The following PDXDC1 variants were observed in gnomAD, a reference collection of about 807,000 sequenced individuals.
The protein encoded by PDXDC1 is pyridoxal-dependent decarboxylase domain-containing protein 1.
In PDXDC1, 42 loss-of-function variants were observed where a neutral mutation model predicts 100.1. The observed-to-expected ratio is 0.42, with a 90% CI of 0.33 to 0.54. The LOEUF (loss-of-function observed/expected upper bound fraction) is 0.54. PDXDC1 is among the 20% of genes least tolerant of loss of function. PDXDC1 has a pLI of 0.10. For missense variants in PDXDC1, 636 were observed against 979.2 expected, an observed-to-expected ratio of 0.65 and a Z score of 4.68; for synonymous variants, 260 against 371.7, an observed-to-expected ratio of 0.70 and a Z score of 3.46.
chr16:15,065,104 T>G (rs1311363941), intron 16 of PDXDC1: 42 of 1,050,770 alleles, frequency 4.0e-5, no homozygotes, highest in Non-Finnish European at 5.5e-5. Flanking sequence ...AGGCGGAGCT[T>G]GCGGTAAGCC....
chr16:15,019,966 G>A (rs1226104712), intron 12 of PDXDC1, among the ~76,000 whole-genome samples: 1 of 152,196 alleles, frequency 6.6e-6, no homozygotes, highest in African/African-American at 2.4e-5. Flanking sequence ...CAAAAAATTA[G>A]CTGGGCGTGG....
At chr16:15,110,010 T>C (rs368025898) in intron 16 of PDXDC1, among the ~76,000 whole-genome samples, 1 of 147,230 alleles carries the variant, frequency 6.8e-6, no homozygotes, top group African/African-American at 2.4e-5. Context: ...AAAAATTAGC[T>C]GGGCGTGGTG....
At chr16:15,032,053 T>A in intron 17 of PDXDC1, 147 bp downstream of exon 17, 2 of 728,588 alleles carry the variant, frequency 2.7e-6, no homozygotes, top group Non-Finnish European at 4.5e-6. Context: ...TCTGGGCATT[T>A]ACAAAAGCAC....
chr16:15,104,670 C>G (rs778514270), intron 16 of PDXDC1: 2 of 1,597,566 alleles, frequency 1.3e-6, no homozygotes, highest in Non-Finnish European at 1.7e-6. Context: ...TGGCTGGTGG[C>G]CCATCCTGTT....
intron 16 of PDXDC1, chr16:15,045,732 T>C (rs1481130006): frequency 6.6e-6 from 1 of 152,276 alleles, no homozygotes; most frequent in Non-Finnish European, 1.5e-5. Context: ...TCCAACTAAC[T>C]TTCTTGAACC....
intron 1 of PDXDC1, among the ~76,000 whole-genome samples, chr16:14,979,203 G>T (rs1256524770): frequency 2.6e-5 from 4 of 152,288 alleles, no homozygotes; most frequent in Non-Finnish European, 4.4e-5. Flanking sequence ...GCAGCCACAT[G>T]TGGCTGATGT....
the PDXDC1 span, among the ~76,000 whole-genome samples, chr16:15,146,583 C>T: frequency 6.6e-6 from 1 of 152,130 alleles, no homozygotes; most frequent in Non-Finnish European, 1.5e-5. Flanking sequence ...TACAGCCACG[C>T]GGCCCTGCGC....
chr16:15,144,607 G>A, the PDXDC1 span, among the ~76,000 whole-genome samples: 19 of 152,186 alleles, frequency 1.2e-4, no homozygotes, highest in Admixed American at 1.2e-3. Flanking sequence ...GGGAGCCCCA[G>A]GCTCAGCGGC....
chr16:15,048,037 A>G, intron 16 of PDXDC1: 1 of 1,613,768 alleles, frequency 6.2e-7, no homozygotes, highest in Non-Finnish European at 8.5e-7. Flanking sequence ...TTTGCTGAAC[A>G]TACAGAAGGC....
chr16:15,137,290 C>A (rs956293233), intron 16 of PDXDC1: 1 of 926,994 alleles, frequency 1.1e-6, no homozygotes. Context: ...GGGTGGGGCC[C>A]CTACAGGTGG....
chr16:14,987,888 A>G (rs1969755207), intron 1 of PDXDC1, among the ~76,000 whole-genome samples: 1 of 152,106 alleles, frequency 6.6e-6, no homozygotes, highest in Admixed American at 6.6e-5. Flanking sequence ...CTGGGATTAC[A>G]GGTGTGAGCC....
At chr16:15,055,156 T>C (rs1409663898) in intron 16 of PDXDC1, among the ~76,000 whole-genome samples, 1 of 152,194 alleles carries the variant, frequency 6.6e-6, no homozygotes, top group South Asian at 2.1e-4. Context: ...CTATGGCAAA[T>C]AGGACGTCTG....
At chr16:15,073,046 AT>A in intron 16 of PDXDC1, 1 of 1,612,832 alleles carries the variant, frequency 6.2e-7, no homozygotes, top group Non-Finnish European at 8.5e-7. Flanking sequence ...TCAGGTCGCG[AT>A]ATAGATCCTT....
At chr16:15,142,028 C>G (rs1211039998), downstream of PDXDC1, among the ~76,000 whole-genome samples, 1 of 152,204 alleles carries the variant, frequency 6.6e-6, no homozygotes, top group Non-Finnish European at 1.5e-5. Context: ...GGCAGGCCCC[C>G]TGGAAGGGAC....
chr16:14,978,220 C>T (rs1458279555), intron 1 of PDXDC1, among the ~76,000 whole-genome samples: 2 of 152,290 alleles, frequency 1.3e-5, no homozygotes, highest in Admixed American at 1.3e-4. Context: ...GGAGTAGGGG[C>T]TTTGCCCCTG....
intron 16 of PDXDC1, among the ~76,000 whole-genome samples, chr16:15,083,275 T>C (rs1233619007): frequency 1.3e-5 from 2 of 152,098 alleles, no homozygotes; most frequent in Admixed American, 6.6e-5. Context: ...GGTAGGCGCC[T>C]GCAGTCCCAG....
chr16:15,034,259 GTAAT>G (rs2043257006), intron 19 of PDXDC1, 23 bp from the exon 20 acceptor site: 1 of 1,606,596 alleles, frequency 6.2e-7, no homozygotes, highest in Non-Finnish European at 8.5e-7. Context: ...CCTTAAACAA[GTAAT>G]GTCTTTCTTG....
At chr16:15,078,231 C>G (rs1457093050) in intron 16 of PDXDC1, among the ~76,000 whole-genome samples, 1 of 152,202 alleles carries the variant, frequency 6.6e-6, no homozygotes, top group African/African-American at 2.4e-5. Flanking sequence ...AGCTCCAGCT[C>G]TTCTGAGACC....
chr16:15,022,873 C>A, intron 13 of PDXDC1, 119 bp downstream of exon 13: 1 of 831,502 alleles, frequency 1.2e-6, no homozygotes, highest in Non-Finnish European at 1.8e-6. Context: ...TGTGGCAGCT[C>A]CAGTAAAAAA....
Sources: allele counts gnomAD v4.1 joint callset (sites outside exome capture counted in the v4.1 genomes callset), GRCh38; gene constraint gnomAD v4.1.1; transcripts MANE v1.5; gene names NCBI Gene and HGNC (gene_info 2026-07-23, HGNC 2026-07-21).